The following RPTOR variants were observed in gnomAD, a reference collection of about 807,000 sequenced individuals.
RPTOR encodes the protein regulatory associated protein of MTOR complex 1.
In RPTOR, 21 loss-of-function variants were observed where a neutral mutation model predicts 169.9. That is an observed-to-expected ratio of 0.12 (90% confidence interval 0.09 to 0.18). The LOEUF (loss-of-function observed/expected upper bound fraction) is 0.18. Ranked by LOEUF, RPTOR falls within the 10% of genes least tolerant of loss-of-function variation. RPTOR has a pLI of 1.00. For synonymous variants in RPTOR, 732 were observed against 753.2 expected, an observed-to-expected ratio of 0.97 and a Z score of 0.46; for missense variants, 1,133 against 1,855.9, an observed-to-expected ratio of 0.61 and a Z score of 7.16.
intron 6 of RPTOR, among the ~76,000 whole-genome samples, chr17:80,778,472 C>T (rs1381935650): frequency 2.0e-5 from 3 of 152,156 alleles, no homozygotes; most frequent in African/African-American, 7.2e-5. Context: ...TAAAGTTTTC[C>T]TTCCATTTTA....
chr17:80,891,793 T>C lies in RPTOR; in HGVS notation c.2057T>C (p.Ile686Thr). 1 of 1,614,156 alleles carries C rather than the reference T, an allele frequency of 6.2e-7. No homozygotes were observed. Among genetic ancestry groups the C allele is most frequent in the Non-Finnish European group, 8.5e-7 (1 of 1,180,018 alleles). ...SNFCTVALQF[I>T]EEEKNYALPS... ...TTCTGCACCGTGGCCCTGCAGTTCA[T>C]AGAAGAGGAAAAGAACTACGCCTTG... The change falls in exon 18 of 34, where the codon ATA (isoleucine) becomes ACA (threonine). Residue 686 changes from isoleucine to threonine, a missense_variant. By Grantham distance (89) the Ile-to-Thr change is moderately conservative. Coordinates refer to ENST00000306801, the MANE Select transcript of RPTOR (RefSeq NM_020761.3).
At chr17:80,608,730 T>C (rs1473032125) in intron 1 of RPTOR, among the ~76,000 whole-genome samples, 1 of 152,216 alleles carries the variant, frequency 6.6e-6, no homozygotes, top group Non-Finnish European at 1.5e-5. Context: ...TTCTTGGTGA[T>C]GGTGCGCTGA....
chr17:80,584,457 C>T (rs11655474), intron 1 of RPTOR, among the ~76,000 whole-genome samples: 43,587 of 143,996 alleles, frequency 0.3, 6,021 homozygotes, highest in Middle Eastern at 0.38. Flanking sequence ...TGGAAATTCT[C>T]CTGACCACCG....
At chr17:80,848,643 G>C (rs1294957300) in intron 11 of RPTOR, among the ~76,000 whole-genome samples, 3 of 152,248 alleles carry the variant, frequency 2.0e-5, no homozygotes, top group Non-Finnish European at 4.4e-5. Context: ...GCTCCTGTTG[G>C]TCATCTGGGT....
chr17:80,643,710 T>A lies in RPTOR; in HGVS notation c.266-18T>A. The A allele has an allele frequency of 4.4e-6, 7 of 1,605,570 alleles. No homozygotes were observed. In the South Asian group the frequency reaches 7.8e-5, roughly 18 times the overall value. ...AATGCAGACGTAAAGAACTTTCTCT[T>A]TTCCATTGCTTCCTCAGATCCTCTG... On this transcript the variant is annotated intron_variant, in intron 2 of 33. Transcript: ENST00000306801.
At chr17:80,750,116 T>C (rs973714089) in intron 5 of RPTOR, among the ~76,000 whole-genome samples, 1 of 152,040 alleles carries the variant, frequency 6.6e-6, no homozygotes, top group Non-Finnish European at 1.5e-5. Context: ...CCTCCCAAAG[T>C]GCTGGTATTA....
chr17:80,876,389 G>A (rs868574660), intron 13 of RPTOR, among the ~76,000 whole-genome samples: 3 of 25,762 alleles, frequency 1.2e-4, no homozygotes, highest in Admixed American at 3.4e-4. Context: ...GTCGCCTGCC[G>A]TGTCTTCCCA....
intron 6 of RPTOR, among the ~76,000 whole-genome samples, chr17:80,765,396 G>C (rs1467216974): frequency 6.6e-6 from 1 of 152,184 alleles, no homozygotes; most frequent in Non-Finnish European, 1.5e-5. Context: ...TCTCACCTCT[G>C]CTGAGCCACT....
chr17:80,747,812 C>A (rs186090364), intron 5 of RPTOR, among the ~76,000 whole-genome samples: 1 of 152,254 alleles, frequency 6.6e-6, no homozygotes, highest in Non-Finnish European at 1.5e-5. Flanking sequence ...CTCGCCCCAC[C>A]ACCCCATGCC....
intron 1 of RPTOR, among the ~76,000 whole-genome samples, chr17:80,600,179 A>T (rs974332053): frequency 6.6e-6 from 1 of 152,158 alleles, no homozygotes; most frequent in Admixed American, 6.5e-5. Flanking sequence ...GGGCGTTGTC[A>T]TGCCACAGCC....
At chr17:80,667,365 G>A (rs544352642) in intron 3 of RPTOR, among the ~76,000 whole-genome samples, 2 of 152,300 alleles carry the variant, frequency 1.3e-5, no homozygotes, top group African/African-American at 4.8e-5. Flanking sequence ...GAAGCCAGAG[G>A]AGCAGGCTGG....
chr17:80,940,793 G>C (rs943070502), intron 25 of RPTOR, among the ~76,000 whole-genome samples, 192 bp downstream of exon 25: 2 of 152,224 alleles, frequency 1.3e-5, no homozygotes, highest in Non-Finnish European at 2.9e-5. Flanking sequence ...TGAAGCTGCT[G>C]CTCCTCAAGG....
chr17:80,889,291 C>T (rs1358177481), intron 17 of RPTOR, among the ~76,000 whole-genome samples: 1 of 152,208 alleles, frequency 6.6e-6, no homozygotes, highest in African/African-American at 2.4e-5. Context: ...TCCAGGATCA[C>T]GCATGGACTC....
chr17:80,555,135 C>G (rs1048483771), intron 1 of RPTOR, among the ~76,000 whole-genome samples: 2 of 152,190 alleles, frequency 1.3e-5, no homozygotes, highest in South Asian at 4.1e-4. Flanking sequence ...GGGCCTCATC[C>G]TTAGGAAGAA....
In RPTOR at chr17:80,545,665, C is replaced by A. The variant is rs2143185124; in HGVS notation, c.36C>A (p.Gly12=). 6.2e-7 allele frequency: 1 copy of A among 1,613,182 alleles called. No homozygotes were observed. The highest frequency in any genetic ancestry group is 2.2e-5 in the East Asian group (1 of 44,758). ...ESEMLQSPLL[G]LGEEDEADLT... is the part of the protein sequence containing the mutation. ...AAATGCTGCAATCGCCTCTTCTGGG[C>A]CTGGGGGAGGAAGATGAGGCTGATC... The change falls in exon 1 of 34, where the codon GGC becomes GGA. Residue 12 remains glycine, a synonymous_variant. Coordinates refer to ENST00000306801, the MANE Select transcript of RPTOR (RefSeq NM_020761.3).
chr17:80,731,812 G>C (rs2066395736), intron 5 of RPTOR, among the ~76,000 whole-genome samples: 1 of 152,194 alleles, frequency 6.6e-6, no homozygotes, highest in African/African-American at 2.4e-5. Context: ...ATAGAAAAAT[G>C]CTGAAACAAT....
At chr17:80,894,663 C>T (rs931287097) in intron 20 of RPTOR, among the ~76,000 whole-genome samples, 5 of 152,224 alleles carry the variant, frequency 3.3e-5, no homozygotes, top group African/African-American at 1.2e-4. Flanking sequence ...TCCTCTTGTT[C>T]TGACTATCCA....
intron 13 of RPTOR, among the ~76,000 whole-genome samples, chr17:80,872,018 A>T (rs1050597953): frequency 1.5e-4 from 23 of 152,202 alleles, no homozygotes; most frequent in African/African-American, 4.8e-4. Flanking sequence ...CCCCCTGCTC[A>T]TCTAACATAG....
intron 7 of RPTOR, among the ~76,000 whole-genome samples, chr17:80,815,144 G>C (rs1044688690): frequency 7.9e-5 from 12 of 152,268 alleles, no homozygotes; most frequent in Non-Finnish European, 1.6e-4. Context: ...GCGTGACTGT[G>C]CTGGGGAGCA....
Sources: allele counts gnomAD v4.1 joint callset (sites outside exome capture counted in the v4.1 genomes callset), GRCh38; gene constraint gnomAD v4.1.1; transcripts MANE v1.5; gene names NCBI Gene and HGNC (gene_info 2026-07-23, HGNC 2026-07-21).